RRAGC: variants seen among roughly 807,000 people sequenced by gnomAD.
The protein encoded by RRAGC is Ras related GTP binding C.
RRAGC carries 8 observed loss-of-function variants against 37.1 expected under a neutral mutation model. That is an observed-to-expected ratio of 0.22 (90% confidence interval 0.13 to 0.39). The LOEUF (loss-of-function observed/expected upper bound fraction) is 0.39. Among genes scored for constraint, RRAGC ranks in the 10% least tolerant of loss-of-function variants. The pLI is 1.00. For missense variants in RRAGC, 342 were observed against 497.6 expected (o/e 0.69, Z 2.98); for synonymous variants, 190 against 181.1 (o/e 1.05, Z -0.39).
chr1:38,846,408 C>T (rs1570862547), intron 5 of RRAGC: 1 of 221,182 alleles, frequency 4.5e-6, no homozygotes, highest in African/African-American at 2.4e-5. Context: ...TACTCACCCC[C>T]TAGACTGTGT....
At chr1:38,849,420 A>G (rs1418744779) in intron 5 of RRAGC, among the ~76,000 whole-genome samples, 1 of 152,024 alleles carries the variant, frequency 6.6e-6, no homozygotes, top group Non-Finnish European at 1.5e-5. Flanking sequence ...TGGGAGTGGT[A>G]GCTCACGCCT....
At chr1:38,857,165 C>A in intron 1 of RRAGC, 83 bp from the exon 2 acceptor site, 1 of 1,152,856 alleles carries the variant, frequency 8.7e-7, no homozygotes, top group Admixed American at 2.5e-5. Flanking sequence ...AACATTTAAA[C>A]ATTTGATCCC....
intron 5 of RRAGC, 97 bp downstream of exon 5, chr1:38,851,517 AC>A (rs374780565): frequency 9.1e-7 from 1 of 1,093,800 alleles, no homozygotes; most frequent in African/African-American, 1.7e-5. Flanking sequence ...TTCATGTAGT[AC>A]CACTTGCCAG....
chr1:38,851,824 T>A (rs1248921387), intron 4 of RRAGC, 67 bp from the exon 5 acceptor site: 4 of 1,415,532 alleles, frequency 2.8e-6, no homozygotes, highest in Non-Finnish European at 3.9e-6. Context: ...TTATCGAAGA[T>A]CTAGAATTAC....
chr1:38,857,311 ATGTT>A (rs1642179486), intron 1 of RRAGC, among the ~76,000 whole-genome samples: 1 of 152,166 alleles, frequency 6.6e-6, no homozygotes, highest in Admixed American at 6.5e-5. Context: ...CTTTTCTCCT[ATGTT>A]CTATGCACCA....
chr1:38,850,436 C>G (rs1292434604), intron 5 of RRAGC, among the ~76,000 whole-genome samples: 2 of 152,038 alleles, frequency 1.3e-5, no homozygotes, highest in African/African-American at 4.8e-5. Flanking sequence ...GTGGCGTGAA[C>G]CTGGGAGGTG....
intron 2 of RRAGC, among the ~76,000 whole-genome samples, chr1:38,856,459 A>G (rs1164039944): frequency 6.6e-6 from 1 of 152,202 alleles, no homozygotes; most frequent in African/African-American, 2.4e-5. Flanking sequence ...GGCCCTCCAT[A>G]AATGTTTGTT....
At chr1:38,840,300 A>C (rs1641948746) in intron 6 of RRAGC, among the ~76,000 whole-genome samples, 2 of 152,246 alleles carry the variant, frequency 1.3e-5, no homozygotes, top group African/African-American at 2.4e-5. Context: ...TTCACATTCA[A>C]GAAAAGTAAA....
chr1:38,853,104 C>G (rs576896389), intron 3 of RRAGC, among the ~76,000 whole-genome samples: 2 of 152,134 alleles, frequency 1.3e-5, no homozygotes, highest in African/African-American at 2.4e-5. Context: ...AGCAGCAAGC[C>G]CACTTCCCTG....
rs937309270 is a variant in RRAGC, at chr1:38,839,443, G to C, written c.*110C>G. The C allele has an allele frequency of 3.3e-6, 4 of 1,202,204 alleles. No homozygotes were observed. In the African/African-American group the frequency reaches 4.5e-5, roughly 14 times the overall value. 74.5% of individuals were successfully genotyped at this position (1,202,204 alleles called of 1,614,324 possible). A position where few individuals can be genotyped will look rare whatever the true frequency, so the allele number is the denominator to read the frequency against. On this transcript the variant is annotated 3_prime_UTR_variant, in exon 7 of 7. Transcript: ENST00000373001. ...GAAACTCTACCCCTTGTCTCTAGTG[G>C]AACAGGCACCAGATTCCCACAAGCA...
chr1:38,840,223 C>T (rs1034848114), intron 6 of RRAGC, among the ~76,000 whole-genome samples: 3 of 151,702 alleles, frequency 2.0e-5, no homozygotes, highest in South Asian at 2.1e-4. Context: ...AAAACAAATG[C>T]GATTGCAATT....
In RRAGC at chr1:38,851,828, G is replaced by T. The variant is rs374076120; in HGVS notation, c.757-71C>A. The T allele has an allele frequency of 2.9e-4, 386 of 1,344,304 alleles. 1 individual carries two copies. Among genetic ancestry groups the T allele is most frequent in the Middle Eastern group, 2.5e-3 (13 of 5,266 alleles). The allele number at this position is 1,344,304 out of a possible 1,614,324, so 83.3% of individuals were successfully genotyped here. Reference sequence around the variant, plus strand: ...CAATTTACAACTTATCGAAGATCTAGAATTACTGAATAACATCCAAGGTCA... The same window carrying T: ...CAATTTACAACTTATCGAAGATCTATAATTACTGAATAACATCCAAGGTCA... On this transcript the variant is annotated intron_variant, in intron 4 of 6. Coordinates refer to ENST00000373001, the MANE Select transcript of RRAGC (RefSeq NM_022157.4).
chr1:38,846,401 T>C, intron 5 of RRAGC: 1 of 243,638 alleles, frequency 4.1e-6, no homozygotes, highest in Non-Finnish European at 7.8e-6. Context: ...GTGGGGCTAC[T>C]CACCCCCTAG....
At chr1:38,852,323 CA>C in intron 4 of RRAGC, 50 bp downstream of exon 4, 1 of 1,016,506 alleles carries the variant, frequency 9.8e-7, no homozygotes, top group Non-Finnish European at 1.6e-6. Context: ...AATATATTCC[CA>C]AAAATGGAAT....
rs1375833218 is a variant in RRAGC at position 38,845,859 on chromosome 1, T to C, written c.1048+80A>G. The C allele has an allele frequency of 7.2e-6, 9 of 1,244,722 alleles. No individual in the cohort carries two copies. In the East Asian group the frequency reaches 1.2e-4, roughly 17 times the overall value. The allele number at this position is 1,244,722 out of a possible 1,614,324, so 77.1% of individuals were successfully genotyped here. A position where few individuals can be genotyped will look rare whatever the true frequency, so the allele number is the denominator to read the frequency against. On this transcript the variant is annotated intron_variant, in intron 6 of 6. Coordinates refer to ENST00000373001, the MANE Select transcript of RRAGC (RefSeq NM_022157.4). ...AGCTATTTGTCTAACACTGCAATTA[T>C]TATTTTCACTTGTTTTCAAGAACCT...
chr1:38,853,536 G>C (rs750526226), intron 3 of RRAGC, among the ~76,000 whole-genome samples: 3 of 152,100 alleles, frequency 2.0e-5, no homozygotes, highest in Non-Finnish European at 2.9e-5. Flanking sequence ...ACTTGAGGTC[G>C]GGAGTTCGAG....
intron 4 of RRAGC, among the ~76,000 whole-genome samples, 175 bp from the exon 5 acceptor site, chr1:38,851,932 A>C (rs1007510721): frequency 3.9e-5 from 6 of 152,238 alleles, no homozygotes; most frequent in Non-Finnish European, 8.8e-5. Context: ...AGAATGAAAG[A>C]GGAATTATTT....
chr1:38,845,765 G>A (rs539691334), intron 6 of RRAGC, among the ~76,000 whole-genome samples, 174 bp downstream of exon 6: 51 of 152,036 alleles, frequency 3.4e-4, no homozygotes, highest in African/African-American at 1.2e-3. Context: ...ATCAAAAAAA[G>A]AAAAGAGAAA....
intron 6 of RRAGC, among the ~76,000 whole-genome samples, chr1:38,843,953 G>A (rs1180049469): frequency 1.5e-4 from 23 of 152,088 alleles, no homozygotes; most frequent in Admixed American, 1.4e-3. Context: ...ACCTGGAGTG[G>A]AATCACTGAC....
Sources: allele counts gnomAD v4.1 joint callset (sites outside exome capture counted in the v4.1 genomes callset), GRCh38; gene constraint gnomAD v4.1.1; transcripts MANE v1.5; gene names NCBI Gene and HGNC (gene_info 2026-07-23, HGNC 2026-07-21).